The following SLC25A26 variants were observed in gnomAD, a reference collection of about 807,000 sequenced individuals.
The protein encoded by SLC25A26 is solute carrier family 25 member 26.
In SLC25A26, 36 loss-of-function variants were observed where a neutral mutation model predicts 37.8. The observed-to-expected ratio is 0.95, with a 90% CI of 0.73 to 1.26. The LOEUF (loss-of-function observed/expected upper bound fraction) is 1.26, where lower values mean the gene tolerates loss of function less well. Among genes scored for constraint, SLC25A26 ranks in the 50% most tolerant of loss-of-function variants. The pLI is 0.00. For synonymous variants in SLC25A26, 129 were observed against 122.5 expected (o/e 1.05, Z -0.35); for missense variants, 390 against 331.1 (o/e 1.18, Z -1.38).
chr3:66,278,152 G>A (rs782730), intron 5 of SLC25A26, among the ~76,000 whole-genome samples: 33,186 of 152,014 alleles, frequency 0.22, 4,616 homozygotes, highest in African/African-American at 0.38. Context: ...AGAGAAGCCA[G>A]CATATATGTG....
chr3:66,237,396 G>A (rs947239897), intron 2 of SLC25A26, among the ~76,000 whole-genome samples: 14 of 152,200 alleles, frequency 9.2e-5, no homozygotes, highest in Non-Finnish European at 2.1e-4. Flanking sequence ...TCTAGGCTTC[G>A]CCTGGGTATT....
intron 1 of SLC25A26, among the ~76,000 whole-genome samples, chr3:66,137,263 C>T (rs924895897): frequency 2.0e-5 from 3 of 148,924 alleles, no homozygotes; most frequent in Admixed American, 6.7e-5. Context: ...TCTTGTCGCC[C>T]GAGCTGGAGT....
At chr3:66,227,680 T>G (rs1290741824) in intron 1 of SLC25A26, among the ~76,000 whole-genome samples, 1 of 152,190 alleles carries the variant, frequency 6.6e-6, no homozygotes, top group Non-Finnish European at 1.5e-5. Context: ...TTTGTTTTCC[T>G]GTTTTTAGTG....
At chr3:66,377,481 T>C (rs1057400729) in intron 9 of SLC25A26, among the ~76,000 whole-genome samples, 2 of 151,856 alleles carry the variant, frequency 1.3e-5, no homozygotes, top group African/African-American at 4.8e-5. Context: ...AAAAAATCAA[T>C]TTCATGTTTC....
At chr3:66,324,725 A>G (rs1004499277) in intron 5 of SLC25A26, among the ~76,000 whole-genome samples, 1 of 152,062 alleles carries the variant, frequency 6.6e-6, no homozygotes, top group African/African-American at 2.4e-5. Flanking sequence ...GGAGTTGGTT[A>G]GGTCAGATTT....
At chr3:66,352,985 T>C (rs765537284) in intron 6 of SLC25A26, among the ~76,000 whole-genome samples, 10 of 152,238 alleles carry the variant, frequency 6.6e-5, no homozygotes, top group Non-Finnish European at 1.3e-4. Context: ...ATCATTGGAA[T>C]AATTATTTAC....
chr3:66,364,790 C>G (rs2107815922), intron 7 of SLC25A26, among the ~76,000 whole-genome samples: 1 of 150,914 alleles, frequency 6.6e-6, no homozygotes, highest in East Asian at 1.9e-4. Flanking sequence ...AGTTACTGTA[C>G]ACAACAGTCT....
intron 1 of SLC25A26, among the ~76,000 whole-genome samples, chr3:66,147,768 C>CT (rs1318523712): frequency 2.0e-5 from 3 of 151,578 alleles, no homozygotes; most frequent in Non-Finnish European, 4.4e-5. Flanking sequence ...TTGACTTTTT[C>CT]TTTTTTTTGA....
intron 1 of SLC25A26, among the ~76,000 whole-genome samples, chr3:66,151,413 C>T (rs933514189): frequency 6.6e-5 from 10 of 152,310 alleles, no homozygotes; most frequent in Middle Eastern, 3.4e-3. Flanking sequence ...TACCAAGAGA[C>T]GAGCTGGGCC....
chr3:66,313,973 A>G (rs1278170402), intron 5 of SLC25A26, among the ~76,000 whole-genome samples: 2 of 152,102 alleles, frequency 1.3e-5, no homozygotes, highest in Non-Finnish European at 2.9e-5. Context: ...TTGATTTTGT[A>G]TCCTGAGACG....
intron 2 of SLC25A26, among the ~76,000 whole-genome samples, chr3:66,240,790 G>T (rs1488246118): frequency 2.2e-5 from 3 of 138,362 alleles, no homozygotes; most frequent in African/African-American, 8.3e-5. Flanking sequence ...CTTTCACCCA[G>T]GCTGGAGTGC....
intron 1 of SLC25A26, among the ~76,000 whole-genome samples, chr3:66,171,115 T>C (rs936640200): frequency 6.6e-6 from 1 of 152,210 alleles, no homozygotes; most frequent in African/African-American, 2.4e-5. Flanking sequence ...GATTATTGTT[T>C]CATTGAAAAC....
At chr3:66,215,095 C>A (rs997933782) in intron 1 of SLC25A26, among the ~76,000 whole-genome samples, 1 of 152,038 alleles carries the variant, frequency 6.6e-6, no homozygotes, top group Admixed American at 6.6e-5. Context: ...ACTACATTCC[C>A]GCCTGGGTGA....
At chr3:66,171,436 C>CT (rs1320117932) in intron 1 of SLC25A26, among the ~76,000 whole-genome samples, 1 of 152,252 alleles carries the variant, frequency 6.6e-6, no homozygotes, top group African/African-American at 2.4e-5. Flanking sequence ...CCTTCCCCTA[C>CT]TTTTTTTGTT....
At chr3:66,231,004 G>C (rs1458750136) in intron 1 of SLC25A26, among the ~76,000 whole-genome samples, 1 of 151,952 alleles carries the variant, frequency 6.6e-6, no homozygotes, top group East Asian at 1.9e-4. Context: ...GTGAAACTCT[G>C]CTTCTGCTAA....
rs1348198959 is a variant in SLC25A26 at position 66,149,223 on chromosome 3, A to G, written c.-354+15239A>G. On this transcript the variant is annotated intron_variant, in intron 1 of 10. Transcript: ENST00000676754. Reference sequence around the variant, plus strand: ...TCTTTATTTATCAGGAACTGTCAGGATTATGTTAAGTCTGGAGCTTTCAGG... The same window carrying G: ...TCTTTATTTATCAGGAACTGTCAGGGTTATGTTAAGTCTGGAGCTTTCAGG... 5.3e-5 allele frequency among the ~76,000 whole-genome samples: 8 copies of G among 152,074 alleles called. 1 individual carries two copies. The South Asian group carries it at 1.7e-3, about 32-fold the overall frequency.
Position 66,343,083 on chromosome 3 carries a change from G to A in SLC25A26, c.454-3281G>A, listed in dbSNP as rs1330315178. ...TCTGTTTGGGGGTATAAAATTCCAC[G>A]TTTTGAAGAAACAATCACTGTTATG... On this transcript the variant is annotated intron_variant, in intron 5 of 9. Coordinates refer to ENST00000354883, the MANE Select transcript of SLC25A26 (RefSeq NM_001379210.1). Among the ~76,000 whole-genome samples, 7 of 152,252 alleles carry A rather than the reference G, an allele frequency of 4.6e-5. No homozygotes were observed. The East Asian group carries it at 1.4e-3, about 29-fold the overall frequency.
chr3:66,253,058 A>G (rs918476871), intron 3 of SLC25A26, among the ~76,000 whole-genome samples: 6 of 139,564 alleles, frequency 4.3e-5, no homozygotes, highest in African/African-American at 1.7e-4. Context: ...CTAGTCCCCA[A>G]ATCTCTGAAT....
chr3:66,169,974 G>T (rs2070473122), intron 1 of SLC25A26, among the ~76,000 whole-genome samples: 1 of 152,156 alleles, frequency 6.6e-6, no homozygotes, highest in Non-Finnish European at 1.5e-5. Context: ...GGGTGGCACT[G>T]GCTGAGGCTG....
Sources: allele counts gnomAD v4.1 joint callset (sites outside exome capture counted in the v4.1 genomes callset), GRCh38; gene constraint gnomAD v4.1.1; transcripts MANE v1.5; gene names NCBI Gene and HGNC (gene_info 2026-07-23, HGNC 2026-07-21).